Variants in MNDA observed in about 807,000 individuals in gnomAD.
The protein encoded by MNDA is myeloid cell nuclear differentiation antigen.
In MNDA, 43 loss-of-function variants were observed where a neutral mutation model predicts 37.8. The observed-to-expected ratio is 1.14, with a 90% CI of 0.89 to 1.47. The LOEUF is 1.47. MNDA is among the 40% of genes most tolerant of loss of function. The probability of loss-of-function intolerance (pLI) is 0.00; values close to 1 mark genes in which losing one functional copy is unlikely to be tolerated. For synonymous variants in MNDA, 181 were observed against 169.0 expected (o/e 1.07, Z -0.55); for missense variants, 536 against 476.0 (o/e 1.13, Z -1.17).
chr1:158,834,029 T>C (rs1277062268), intron 1 of MNDA, among the ~76,000 whole-genome samples: 2 of 152,130 alleles, frequency 1.3e-5, no homozygotes, highest in Non-Finnish European at 2.9e-5. Flanking sequence ...TCTGTAGTTA[T>C]TTTTTTGACA....
chr1:158,838,663 A>C (rs1314714866), intron 1 of MNDA, among the ~76,000 whole-genome samples: 1 of 152,066 alleles, frequency 6.6e-6, no homozygotes, highest in Non-Finnish European at 1.5e-5. Context: ...TTATTTACTC[A>C]ATAATTTTGT....
chr1:158,844,710 C>T (rs1311786563), intron 4 of MNDA, among the ~76,000 whole-genome samples: 3 of 151,646 alleles, frequency 2.0e-5, no homozygotes, highest in Non-Finnish European at 4.4e-5. Context: ...GAGTTTGGCC[C>T]TCAAAATGGC....
intron 1 of MNDA, among the ~76,000 whole-genome samples, chr1:158,840,726 C>T (rs997688368): frequency 5.3e-5 from 8 of 152,142 alleles, no homozygotes; most frequent in Admixed American, 4.6e-4. Flanking sequence ...ACTGTTCAAT[C>T]AGATTATTTA....
chr1:158,840,943 A>G (rs1659018590), intron 1 of MNDA, among the ~76,000 whole-genome samples: 1 of 152,196 alleles, frequency 6.6e-6, no homozygotes, highest in South Asian at 2.1e-4. Flanking sequence ...GCACAAACAC[A>G]TGGTCACCAA....
chr1:158,842,603 T>C (rs901837009), intron 2 of MNDA, 185 bp downstream of exon 2: 15 of 539,826 alleles, frequency 2.8e-5, no homozygotes, highest in East Asian at 5.9e-5. Context: ...ATGAAAGAGA[T>C]TGATATATTT....
chr1:158,841,677 T>C (rs59769927), intron 1 of MNDA, among the ~76,000 whole-genome samples: 13,005 of 152,148 alleles, frequency 0.085, 653 homozygotes, highest in East Asian at 0.12. Flanking sequence ...TCACATAAGG[T>C]GAGTGGCTGC....
intron 1 of MNDA, among the ~76,000 whole-genome samples, chr1:158,833,029 A>C (rs1315467944): frequency 6.6e-6 from 1 of 152,150 alleles, no homozygotes; most frequent in African/African-American, 2.4e-5. Flanking sequence ...CCTTAAAGAC[A>C]AGCCCCTTAG....
Position 158,843,303 on chromosome 1 carries a change from A to G in MNDA, c.290A>G (p.Glu97Gly). The stretch of plus-strand genomic sequence containing the variant: ...GTTGCTAAGAAAATTAAAACACAAG[A>G]AAAAGCTCCAGTGAAAAAAATAAAC... The part of the protein sequence containing the change: ...SKVAKKIKTQ[E>G]KAPVKKINQE... The change falls in exon 3 of 7, where the codon GAA becomes GGA. Residue 97 changes from glutamate to glycine, a missense_variant. Transcript: ENST00000368141. The G allele has an allele frequency of 1.2e-6, 2 of 1,611,202 alleles. No homozygotes were observed. The highest frequency in any genetic ancestry group is 1.7e-6 in the Non-Finnish European group (2 of 1,178,878).
chr1:158,847,772 T>A lies in MNDA; in HGVS notation c.1032T>A (p.Asn344Lys), dbSNP rs1411842518. 3 of 1,613,934 alleles carry A rather than the reference T, an allele frequency of 1.9e-6. No homozygotes were observed. The highest frequency in any genetic ancestry group is 2.5e-6 in the Non-Finnish European group (3 of 1,179,850). The change falls in exon 6 of 7, where the codon AAT becomes AAA. Residue 344 changes from asparagine to lysine, a missense_variant. Asn to Lys is a moderately conservative substitution (Grantham distance 94). Coordinates refer to ENST00000368141, the MANE Select transcript of MNDA (RefSeq NM_002432.3). ...ACACAATTTATGAAATACAGGATAA[T>A]ACAGGATCCATGGATGTAGTGGGGA... ...KKNTIYEIQD[N>K]TGSMDVVGSG...
In MNDA at chr1:158,849,496, T is replaced by A. The variant is rs1033333535; in HGVS notation, c.*259T>A. The A allele has an allele frequency of 9.3e-5, 38 of 409,408 alleles. No homozygotes were observed. Among genetic ancestry groups the A allele is most frequent in the Non-Finnish European group, 4.0e-5 (9 of 225,060 alleles). The allele number at this position is 409,408 out of a possible 1,614,324, so 25.4% of individuals were successfully genotyped here. Reference sequence around the variant, plus strand: ...AGGCAAAAAATAAAATATCTTTTTTTGAAGGACATTATTTTCCCAAAGTCT... The same window carrying A: ...AGGCAAAAAATAAAATATCTTTTTTAGAAGGACATTATTTTCCCAAAGTCT... On this transcript the variant is annotated 3_prime_UTR_variant, in exon 7 of 7. Transcript: ENST00000368141.
intron 2 of MNDA, 136 bp from the exon 3 acceptor site, chr1:158,843,143 A>G: frequency 9.3e-7 from 1 of 1,071,236 alleles, no homozygotes; most frequent in Non-Finnish European, 1.3e-6. Context: ...AGGCTGGGTT[A>G]ATGCAGTAGA....
chr1:158,849,330 A>C lies in MNDA; in HGVS notation c.*93A>C. On this transcript the variant is annotated 3_prime_UTR_variant, in exon 7 of 7. Coordinates refer to ENST00000368141, the MANE Select transcript of MNDA (RefSeq NM_002432.3). ...TTGTAAATTTCAGTAATTCATTTAA[A>C]TGATGTTTCAGTAGATATATTCTAG... 1 of 1,135,252 alleles carries C rather than the reference A, an allele frequency of 8.8e-7. No individual in the cohort carries two copies. Among genetic ancestry groups the C allele is most frequent in the Non-Finnish European group, 1.3e-6 (1 of 773,352 alleles). The allele number at this position is 1,135,252 out of a possible 1,614,324, so 70.3% of individuals were successfully genotyped here. A position where few individuals can be genotyped will look rare whatever the true frequency, so the allele number is the denominator to read the frequency against.
chr1:158,841,543 G>A (rs972075315), intron 1 of MNDA, among the ~76,000 whole-genome samples: 4 of 152,138 alleles, frequency 2.6e-5, no homozygotes, highest in Non-Finnish European at 4.4e-5. Flanking sequence ...AGATGCATAG[G>A]ACACAGAGAA....
At chr1:158,842,539 G>A in intron 2 of MNDA, 121 bp downstream of exon 2, 1 of 1,070,074 alleles carries the variant, frequency 9.3e-7, no homozygotes, top group Non-Finnish European at 1.4e-6. Flanking sequence ...CAGTCATGGG[G>A]ATGTTGGCAC....
At chr1:158,846,140 A>G (rs771679569) in intron 5 of MNDA, 137 bp downstream of exon 5, 18 of 836,278 alleles carry the variant, frequency 2.2e-5, no homozygotes, top group African/African-American at 3.5e-5. Context: ...GTCCCACAAA[A>G]TAGGAAATAG....
intron 1 of MNDA, among the ~76,000 whole-genome samples, chr1:158,832,871 G>A (rs1658832275): frequency 6.6e-6 from 1 of 151,980 alleles, no homozygotes. Flanking sequence ...CCTAGTTGAT[G>A]AGTTTAGTCC....
intron 1 of MNDA, among the ~76,000 whole-genome samples, chr1:158,834,668 C>A (rs1053635322): frequency 6.6e-6 from 1 of 152,006 alleles, no homozygotes; most frequent in African/African-American, 2.4e-5. Flanking sequence ...TTGCCTGTGC[C>A]ATCGGTGTCA....
chr1:158,834,779 T>C (rs752064171), intron 1 of MNDA, among the ~76,000 whole-genome samples: 1 of 152,234 alleles, frequency 6.6e-6, no homozygotes, highest in Non-Finnish European at 1.5e-5. Flanking sequence ...AGATATTTGA[T>C]ATACTTTGAG....
chr1:158,846,963 G>T (rs1370880520), intron 5 of MNDA, among the ~76,000 whole-genome samples: 8 of 152,180 alleles, frequency 5.3e-5, no homozygotes, highest in African/African-American at 1.9e-4. Context: ...TATTGGAAAA[G>T]AATAAGTAAT....
Sources: allele counts gnomAD v4.1 joint callset (sites outside exome capture counted in the v4.1 genomes callset), GRCh38; gene constraint gnomAD v4.1.1; transcripts MANE v1.5; gene names NCBI Gene and HGNC (gene_info 2026-07-23, HGNC 2026-07-21).